ZNF385D: variants seen among roughly 807,000 people sequenced by gnomAD.
ZNF385D encodes the protein zinc finger protein 385D.
A neutral mutation model predicts 35.8 loss-of-function variants in ZNF385D; 15 were observed. The observed-to-expected ratio is 0.42, with a 90% CI of 0.28 to 0.64. The LOEUF (loss-of-function observed/expected upper bound fraction) is 0.64. Ranked by LOEUF, ZNF385D falls within the 30% of genes least tolerant of loss-of-function variation. ZNF385D has a pLI of 0.23. For synonymous variants in ZNF385D, 212 were observed against 186.8 expected (o/e 1.13, Z -1.10); for missense variants, 474 against 494.6 (o/e 0.96, Z 0.39).
At chr3:22,162,156 G>C (rs996683828) in intron 3 of ZNF385D, among the ~76,000 whole-genome samples, 29 of 152,148 alleles carry the variant, frequency 1.9e-4, no homozygotes, top group Non-Finnish European at 3.2e-4. Flanking sequence ...GTTAAGGAAA[G>C]TATTAAATCG....
At chr3:22,313,409 T>A (rs911578731) in intron 2 of ZNF385D, among the ~76,000 whole-genome samples, 6 of 151,828 alleles carry the variant, frequency 4.0e-5, no homozygotes, top group Non-Finnish European at 7.4e-5. Context: ...TAATAAAATT[T>A]AAAAAAAGAT....
chr3:21,741,978 T>A, intron 1 of ZNF385D, among the ~76,000 whole-genome samples: 1 of 152,216 alleles, frequency 6.6e-6, no homozygotes, highest in East Asian at 1.9e-4. Context: ...AGTAACGAAA[T>A]GCTTCTTCCC....
chr3:21,883,914 G>C (rs1197444945), intron 3 of ZNF385D, among the ~76,000 whole-genome samples: 1 of 151,982 alleles, frequency 6.6e-6, no homozygotes, highest in Non-Finnish European at 1.5e-5. Context: ...ACTCTCTTCA[G>C]CAGGAAACCA....
At chr3:22,186,604 T>C (rs923053705) in intron 2 of ZNF385D, among the ~76,000 whole-genome samples, 2 of 151,970 alleles carry the variant, frequency 1.3e-5, no homozygotes, top group African/African-American at 2.4e-5. Context: ...TGACTTTCCT[T>C]GTAAGTCTGT....
intron 4 of ZNF385D, among the ~76,000 whole-genome samples, chr3:21,453,750 A>G (rs1702612133): frequency 1.3e-5 from 2 of 152,076 alleles, no homozygotes; most frequent in Non-Finnish European, 2.9e-5. Flanking sequence ...AAATCTTTGT[A>G]TGTTACTGGT....
Position 22,085,968 on chromosome 3 carries a change from T to C in ZNF385D, c.325+82849A>G, listed in dbSNP as rs138187445. The stretch of plus-strand genomic sequence containing the variant: ...ATGATAGAAACCACGATTATCTCAA[T>C]AGATGCAGAAAAGGCCTTCGACAAA... On this transcript the variant is annotated intron_variant, in intron 3 of 5. Transcript: ENST00000494108. Among the ~76,000 whole-genome samples the C allele has an allele frequency of 2.0e-4, 31 of 152,284 alleles. No individual in the cohort carries two copies. In the East Asian group the frequency reaches 3.3e-3, roughly 16 times the overall value.
chr3:21,953,758 G>C (rs1702165586), intron 3 of ZNF385D, among the ~76,000 whole-genome samples: 1 of 151,956 alleles, frequency 6.6e-6, no homozygotes, highest in Admixed American at 6.6e-5. Flanking sequence ...TGATGCCTGA[G>C]AGAGTAATTT....
At chr3:21,504,836 T>A (rs941050556) in intron 4 of ZNF385D, among the ~76,000 whole-genome samples, 1 of 152,056 alleles carries the variant, frequency 6.6e-6, no homozygotes, top group Non-Finnish European at 1.5e-5. Flanking sequence ...CAGAGGTACA[T>A]TAAAGATTTC....
At chr3:21,932,700 T>C (rs1701074603) in intron 3 of ZNF385D, among the ~76,000 whole-genome samples, 1 of 151,954 alleles carries the variant, frequency 6.6e-6, no homozygotes, top group African/African-American at 2.4e-5. Context: ...ACTTTACTTC[T>C]TGACTTTATG....
At chr3:21,774,616 T>C (rs905490193) in intron 3 of ZNF385D, among the ~76,000 whole-genome samples, 6 of 151,758 alleles carry the variant, frequency 4.0e-5, no homozygotes, top group Admixed American at 6.6e-5. Flanking sequence ...AAAAATATTA[T>C]GGTAGGTGCA....
rs187623284 is a variant in ZNF385D, at chr3:21,798,065, T to C, written c.326-133037A>G. Among the ~76,000 whole-genome samples the C allele has an allele frequency of 1.6e-4, 24 of 152,296 alleles. 1 individual carries two copies. The highest frequency in any genetic ancestry group is 1.4e-3 in the Admixed American group (22 of 15,304). On this transcript the variant is annotated intron_variant, in intron 3 of 5. Transcript: ENST00000494108. ...TGATGTGTCAATGCAAGTTCATGGA[T>C]TGTAACAAATGTACCTCTCTGGTGG...
chr3:21,692,157 C>G (rs954498939), intron 1 of ZNF385D, among the ~76,000 whole-genome samples: 2 of 152,146 alleles, frequency 1.3e-5, no homozygotes, highest in Non-Finnish European at 2.9e-5. Context: ...TGTTTCCTCT[C>G]ACAACACTTT....
At position 21,791,252 on chromosome 3, in the gene ZNF385D, C is replaced by A. The variant is rs145101612; in HGVS notation, c.326-126224G>T. Among the ~76,000 whole-genome samples the A allele has an allele frequency of 4.6e-3, 696 of 152,234 alleles. 4 individuals carry two copies. Among genetic ancestry groups the A allele is most frequent in the African/African-American group, 0.016 (664 of 41,524 alleles). The stretch of plus-strand genomic sequence containing the variant: ...TGCAACGTGACTAGTTTGCCTCCAA[C>A]TAAGTAAGCTGTTTTGATGTGGGGC... On this transcript the variant is annotated intron_variant, in intron 3 of 5. Coordinates refer to the ZNF385D transcript ENST00000494108.
intron 3 of ZNF385D, among the ~76,000 whole-genome samples, chr3:21,783,755 T>C (rs7645913): frequency 0.27 from 40,361 of 151,958 alleles, 5,593 homozygotes; most frequent in East Asian, 0.4. Context: ...CAAATAATAA[T>C]AAAATAAAAT....
At chr3:22,084,476 A>G (rs960063079) in intron 3 of ZNF385D, among the ~76,000 whole-genome samples, 1 of 152,206 alleles carries the variant, frequency 6.6e-6, no homozygotes, top group Non-Finnish European at 1.5e-5. Context: ...CAAAAGAGAC[A>G]AAGAAGGCCA....
intron 3 of ZNF385D, among the ~76,000 whole-genome samples, chr3:22,143,059 T>TTGTGTGTGTGTGTGTGTGTGTGTG (rs57448532): frequency 7.1e-6 from 1 of 140,916 alleles, no homozygotes; most frequent in African/African-American, 2.7e-5. Flanking sequence ...ATTAAATCGG[T>TTGTGTGTGTGTGTGTGTGTGTGTG]TGTGTGTGTG....
intron 2 of ZNF385D, among the ~76,000 whole-genome samples, chr3:21,590,884 C>T (rs746245209): frequency 1.3e-5 from 2 of 151,768 alleles, no homozygotes; most frequent in African/African-American, 4.8e-5. Flanking sequence ...ACCTGGTAAC[C>T]GAAAATAAAT....
intron 3 of ZNF385D, among the ~76,000 whole-genome samples, chr3:21,879,645 A>T (rs913773909): frequency 5.3e-5 from 8 of 151,912 alleles, no homozygotes; most frequent in African/African-American, 1.9e-4. Context: ...CACTTCAATT[A>T]AAAAATAGTC....
At chr3:21,803,265 C>G (rs1331238657) in intron 3 of ZNF385D, among the ~76,000 whole-genome samples, 1 of 152,082 alleles carries the variant, frequency 6.6e-6, no homozygotes, top group African/African-American at 2.4e-5. Context: ...GGAAGGAAAA[C>G]TGGTGTGCCC....
Sources: gnomAD v4.1 joint callset for allele counts (sites outside exome capture counted in the v4.1 genomes callset) on GRCh38, gnomAD v4.1.1 for gene constraint, MANE v1.5 for transcripts, NCBI Gene and HGNC (gene_info 2026-07-23, HGNC 2026-07-21) for gene names.